Variants in XPR1 observed in about 807,000 individuals in gnomAD.
XPR1 encodes the protein solute carrier family 53 member 1.
In XPR1, 28 loss-of-function variants were observed where a neutral mutation model predicts 87.5. The ratio of observed to expected loss-of-function variants is 0.32; its 90% CI spans 0.24 to 0.44. The LOEUF is 0.44. Ranked by LOEUF, XPR1 falls within the 20% of genes least tolerant of loss-of-function variation. The pLI is 1.00. For synonymous variants in XPR1, 300 were observed against 306.1 expected, an observed-to-expected ratio of 0.98 and a Z score of 0.21; for missense variants, 559 against 862.3, an observed-to-expected ratio of 0.65 and a Z score of 4.41.
At chr1:180,638,678 A>G (rs1175303872) in intron 1 of XPR1, among the ~76,000 whole-genome samples, 2 of 152,052 alleles carry the variant, frequency 1.3e-5, no homozygotes, top group South Asian at 2.1e-4. Flanking sequence ...ACACACCCCA[A>G]ATTTGTGTGT....
chr1:180,656,048 T>G (rs1020350805), intron 1 of XPR1, among the ~76,000 whole-genome samples: 6 of 151,790 alleles, frequency 4.0e-5, no homozygotes, highest in African/African-American at 1.5e-4. Flanking sequence ...ATACTAGATC[T>G]TATTCAGTTT....
chr1:180,673,782 A>C (rs1237460471), intron 1 of XPR1, among the ~76,000 whole-genome samples: 1 of 152,234 alleles, frequency 6.6e-6, no homozygotes, highest in Non-Finnish European at 1.5e-5. Flanking sequence ...CCGTGAAACT[A>C]GTCCCTGGAG....
chr1:180,719,491 T>G (rs1658108671), intron 2 of XPR1, among the ~76,000 whole-genome samples: 1 of 152,218 alleles, frequency 6.6e-6, no homozygotes, highest in Admixed American at 6.5e-5. Flanking sequence ...TTTGCTTTAT[T>G]AGTTTTGAAA....
At chr1:180,750,400 T>C (rs889773897) in intron 2 of XPR1, among the ~76,000 whole-genome samples, 3 of 152,154 alleles carry the variant, frequency 2.0e-5, no homozygotes, top group Non-Finnish European at 4.4e-5. Flanking sequence ...CAGGGAAAAG[T>C]AAGCCTTTAC....
At chr1:180,876,620 A>C (rs1299793924) in intron 13 of XPR1, among the ~76,000 whole-genome samples, 4 of 151,354 alleles carry the variant, frequency 2.6e-5, no homozygotes, top group Admixed American at 2.6e-4. Context: ...TGGGCAACAG[A>C]GGGAGACCCT....
At chr1:180,715,399 G>A (rs1464845549) in intron 2 of XPR1, among the ~76,000 whole-genome samples, 1 of 152,162 alleles carries the variant, frequency 6.6e-6, no homozygotes, top group Non-Finnish European at 1.5e-5. Context: ...ATCTTAGAAT[G>A]GATAAGGATC....
At chr1:180,815,274 T>C (rs904922405) in intron 7 of XPR1, among the ~76,000 whole-genome samples, 1 of 152,198 alleles carries the variant, frequency 6.6e-6, no homozygotes, top group Non-Finnish European at 1.5e-5. Flanking sequence ...ATATACAGAC[T>C]ATGTTTTTGT....
At chr1:180,840,206 G>A (rs1473925118) in intron 11 of XPR1, among the ~76,000 whole-genome samples, 2 of 143,612 alleles carry the variant, frequency 1.4e-5, no homozygotes, top group Non-Finnish European at 3.0e-5. Context: ...GTCCGGCCTG[G>A]GCGACAGAGC....
chr1:180,764,240 A>C (rs1030101047), intron 2 of XPR1, among the ~76,000 whole-genome samples: 4 of 152,158 alleles, frequency 2.6e-5, no homozygotes, highest in Non-Finnish European at 5.9e-5. Flanking sequence ...AATATTGTAT[A>C]AAATTACCTT....
chr1:180,866,799 T>C (rs968706182), intron 12 of XPR1, among the ~76,000 whole-genome samples: 1 of 125,156 alleles, frequency 8.0e-6, no homozygotes, highest in East Asian at 2.4e-4. Flanking sequence ...ATTAGTTTAT[T>C]TTTTTTTTTT....
intron 2 of XPR1, 52 bp downstream of exon 2, chr1:180,682,463 A>T (rs771428379): frequency 9.9e-6 from 15 of 1,509,864 alleles, no homozygotes; most frequent in Middle Eastern, 1.8e-4. Flanking sequence ...TTTTTAAGGA[A>T]AGATATTTTG....
At chr1:180,845,627 C>T (rs114237460) in intron 11 of XPR1, among the ~76,000 whole-genome samples, 1 of 152,234 alleles carries the variant, frequency 6.6e-6, no homozygotes, top group East Asian at 1.9e-4. Context: ...CTCATGGGAT[C>T]CTCCCACCTC....
At chr1:180,738,074 C>T (rs955869126) in intron 2 of XPR1, among the ~76,000 whole-genome samples, 1 of 152,058 alleles carries the variant, frequency 6.6e-6, no homozygotes, top group Non-Finnish European at 1.5e-5. Flanking sequence ...CGCAGTGGCA[C>T]GATCTTGGCT....
At chr1:180,860,802 T>TAA (rs201858737) in intron 11 of XPR1, among the ~76,000 whole-genome samples, 2 of 128,712 alleles carry the variant, frequency 1.6e-5, no homozygotes, top group Non-Finnish European at 3.4e-5. Flanking sequence ...AGGATGTGAC[T>TAA]AAAAAAAAAA....
At chr1:180,881,198 C>G (rs1433574022) in intron 14 of XPR1, among the ~76,000 whole-genome samples, 1 of 151,802 alleles carries the variant, frequency 6.6e-6, no homozygotes, top group African/African-American at 2.4e-5. Flanking sequence ...GAGTCTCGCT[C>G]TGTTGCCCAG....
chr1:180,737,469 G>A (rs917255541), intron 2 of XPR1, among the ~76,000 whole-genome samples: 1 of 152,076 alleles, frequency 6.6e-6, no homozygotes, highest in Non-Finnish European at 1.5e-5. Context: ...AATTTTTTAA[G>A]TTAACATATA....
chr1:180,778,273 C>G (rs947704178), intron 2 of XPR1, among the ~76,000 whole-genome samples: 4 of 152,152 alleles, frequency 2.6e-5, no homozygotes, highest in African/African-American at 7.2e-5. Context: ...CATGAGCCAC[C>G]ACACCTGACC....
At chr1:180,640,898 A>G (rs535376067) in intron 1 of XPR1, among the ~76,000 whole-genome samples, 4 of 152,308 alleles carry the variant, frequency 2.6e-5, no homozygotes, top group African/African-American at 7.2e-5. Flanking sequence ...CTTGTAAGGA[A>G]CTTTTAAGCT....
intron 6 of XPR1, among the ~76,000 whole-genome samples, chr1:180,810,744 A>G (rs533457250): frequency 3.9e-5 from 6 of 151,954 alleles, no homozygotes; most frequent in African/African-American, 1.4e-4. Context: ...ATGAAATTGC[A>G]TCTTAACTCT....
Sources: gnomAD v4.1 joint callset for allele counts (sites outside exome capture counted in the v4.1 genomes callset) on GRCh38, gnomAD v4.1.1 for gene constraint, MANE v1.5 for transcripts, NCBI Gene and HGNC (gene_info 2026-07-23, HGNC 2026-07-21) for gene names.